GLCCI1: variants seen among roughly 807,000 people sequenced by gnomAD.
GLCCI1 encodes glucocorticoid-induced transcript 1 protein.
GLCCI1 carries 24 observed loss-of-function variants against 52.2 expected under a neutral mutation model. The observed-to-expected ratio is 0.46, with a 90% CI of 0.33 to 0.65. The LOEUF (loss-of-function observed/expected upper bound fraction) is 0.65, where lower values mean the gene tolerates loss of function less well. Ranked by LOEUF, GLCCI1 falls within the 30% of genes least tolerant of loss-of-function variation. The pLI is 0.02. For missense variants in GLCCI1, 704 were observed against 701.5 expected (o/e 1.00, Z -0.04); for synonymous variants, 310 against 276.5 (o/e 1.12, Z -1.20).
chr7:7,971,620 C>G (rs1780355061), intron 1 of GLCCI1, among the ~76,000 whole-genome samples: 1 of 152,122 alleles, frequency 6.6e-6, no homozygotes, highest in Non-Finnish European at 1.5e-5. Context: ...TATATAAACA[C>G]TAACATCTTA....
At position 7,976,507 on chromosome 7, in the gene GLCCI1, A is replaced by AAAAGG. The variant is rs1554257498; in HGVS notation, c.457+6707_457+6711dup. 5.5e-5 allele frequency among the ~76,000 whole-genome samples: 8 copies of AAAAGG among 146,180 alleles called. No individual in the cohort carries two copies. In the East Asian group the frequency reaches 1.6e-3, roughly 29 times the overall value. ...AAAAAAAAAAAAAAAAAGGAAAGGA[A>AAAAGG]AAAGGAAAGGAGAAAGGAAAAAGGA... On this transcript the variant is annotated intron_variant, in intron 1 of 7. Coordinates refer to ENST00000223145, the MANE Select transcript of GLCCI1 (RefSeq NM_138426.4).
At chr7:8,009,286 T>C (rs767942103) in intron 2 of GLCCI1, among the ~76,000 whole-genome samples, 15 of 152,330 alleles carry the variant, frequency 9.8e-5, no homozygotes, top group Admixed American at 3.9e-4. Context: ...AAAACAGTAA[T>C]GTTTCCTCAG....
chr7:8,078,837 GGTA>G (rs1482520762), intron 6 of GLCCI1: 1 of 152,170 alleles, frequency 6.6e-6, no homozygotes, highest in Admixed American at 6.5e-5. Context: ...TCATTAATAA[GGTA>G]GTAAATATTG....
Position 8,071,027 on chromosome 7 carries a change from G to A in GLCCI1, c.1073G>A (p.Ser358Asn). 6.2e-7 allele frequency: 1 copy of A among 1,614,042 alleles called. No homozygotes were observed. The highest frequency in any genetic ancestry group is 8.5e-7 in the Non-Finnish European group (1 of 1,179,882). The change falls in exon 6 of 8, where the codon AGT becomes AAT. Residue 358 changes from serine to asparagine, a missense_variant. Physicochemically the swap from Ser to Asn is conservative, Grantham distance 46. Coordinates refer to ENST00000223145, the MANE Select transcript of GLCCI1 (RefSeq NM_138426.4). Reference protein sequence around the residue: ...TQTPSVQERSSSCSSHSPCVS... With the variant: ...TQTPSVQERSNSCSSHSPCVS... ...ACTCCTTCTGTCCAGGAGCGCAGCA[G>A]TAGCTGCAGCAGTCATTCACCCTGT...
chr7:7,991,199 G>A (rs1489008783), intron 1 of GLCCI1, among the ~76,000 whole-genome samples: 4 of 151,984 alleles, frequency 2.6e-5, no homozygotes, highest in East Asian at 1.9e-4. Flanking sequence ...AGACAGTTAC[G>A]AGCTAATTTG....
intron 3 of GLCCI1, among the ~76,000 whole-genome samples, chr7:8,027,517 C>CA (rs1308631134): frequency 6.6e-6 from 1 of 151,038 alleles, no homozygotes; most frequent in Non-Finnish European, 1.5e-5. Context: ...CATACCACCA[C>CA]AAAAAAATCA....
chr7:8,047,163 C>T (rs899504993), intron 3 of GLCCI1, among the ~76,000 whole-genome samples: 1 of 152,100 alleles, frequency 6.6e-6, no homozygotes, highest in South Asian at 2.1e-4. Flanking sequence ...AGTTAATGCT[C>T]GTATACAATG....
At chr7:7,983,487 A>G (rs1167668266) in intron 1 of GLCCI1, among the ~76,000 whole-genome samples, 1 of 152,094 alleles carries the variant, frequency 6.6e-6, no homozygotes, top group African/African-American at 2.4e-5. Flanking sequence ...TGTTTTTATA[A>G]CTCTGTATTC....
intron 1 of GLCCI1, among the ~76,000 whole-genome samples, chr7:7,974,096 T>C (rs1780416147): frequency 6.6e-6 from 1 of 152,136 alleles, no homozygotes; most frequent in Non-Finnish European, 1.5e-5. Flanking sequence ...AGAGACAGGT[T>C]TCACATACTG....
intron 2 of GLCCI1, among the ~76,000 whole-genome samples, chr7:8,012,415 T>TG (rs1424561109): frequency 6.7e-6 from 1 of 148,188 alleles, no homozygotes; most frequent in Non-Finnish European, 1.5e-5. Flanking sequence ...TCCCATTCTG[T>TG]GGGTTGCCTT....
intron 1 of GLCCI1, among the ~76,000 whole-genome samples, chr7:7,977,668 G>T (rs1287789216): frequency 6.6e-6 from 1 of 152,272 alleles, no homozygotes; most frequent in Non-Finnish European, 1.5e-5. Context: ...TTTTGGTTGG[G>T]TAGGGAAAAG....
chr7:7,994,523 G>C (rs1780902480), intron 1 of GLCCI1, among the ~76,000 whole-genome samples: 1 of 152,152 alleles, frequency 6.6e-6, no homozygotes, highest in South Asian at 2.1e-4. Flanking sequence ...AAAGGCAAGA[G>C]AGCAAAAGAG....
intron 2 of GLCCI1, among the ~76,000 whole-genome samples, chr7:8,016,623 T>C (rs1360436529): frequency 2.6e-5 from 4 of 152,180 alleles, no homozygotes; most frequent in Non-Finnish European, 5.9e-5. Context: ...GGAGATACCA[T>C]ATTGTTAGGA....
At chr7:8,030,953 A>G (rs1244367407) in intron 3 of GLCCI1, among the ~76,000 whole-genome samples, 1 of 152,114 alleles carries the variant, frequency 6.6e-6, no homozygotes, top group Non-Finnish European at 1.5e-5. Context: ...GTAAATTAGT[A>G]CAACCACTAT....
At chr7:7,974,847 G>A (rs781663579) in intron 1 of GLCCI1, among the ~76,000 whole-genome samples, 5 of 152,084 alleles carry the variant, frequency 3.3e-5, no homozygotes, top group African/African-American at 4.8e-5. Context: ...GGCAGCCCCT[G>A]TCCTAGTCTG....
At chr7:8,078,560 A>G (rs1782923459) in intron 6 of GLCCI1, 1 of 152,272 alleles carries the variant, frequency 6.6e-6, no homozygotes, top group Admixed American at 6.5e-5. Context: ...AAAAGTGTGT[A>G]TAAATGTAGA....
chr7:7,969,774 G>A lies in GLCCI1; in HGVS notation c.424G>A (p.Glu142Lys), dbSNP rs1231372650. ...PESHRRSSSP[E>K]RRSPGSPVCR... Reference sequence around the variant, plus strand: ...GAGCCACCGGAGGAGCAGCTCACCTGAGAGACGGAGCCCCGGCTCGCCCGT... The same window carrying A: ...GAGCCACCGGAGGAGCAGCTCACCTAAGAGACGGAGCCCCGGCTCGCCCGT... The change falls in exon 1 of 8, where the codon GAG (glutamate) becomes AAG (lysine). Residue 142 changes from glutamate to lysine, a missense_variant. Physicochemically the swap from Glu to Lys is moderately conservative, Grantham distance 56 (BLOSUM62 1). Around this residue, in one of 3 missense-constraint regions of GLCCI1, gnomAD observed 547 missense variants for 524.8 expected, o/e 1.04. Transcript: ENST00000223145. This position sits in a 1 kb window ranked among gnomAD's most constrained non-coding sequence, Gnocchi z 4.9. 6.7e-7 allele frequency: 1 copy of A among 1,485,294 alleles called. No individual in the cohort carries two copies. The highest frequency in any genetic ancestry group is 8.9e-7 in the Non-Finnish European group (1 of 1,122,184). 92.0% of individuals were successfully genotyped at this position (1,485,294 alleles called of 1,614,324 possible). A position where few individuals can be genotyped will look rare whatever the true frequency, so the allele number is the denominator to read the frequency against.
chr7:8,023,588 C>CATTTTTT (rs1781543370), intron 3 of GLCCI1, among the ~76,000 whole-genome samples: 1 of 41,984 alleles, frequency 2.4e-5, no homozygotes, highest in African/African-American at 1.0e-4. Flanking sequence ...CTCTGTTATT[C>CATTTTTT]TTTTTTTTTT....
At chr7:8,076,707 A>T (rs183256732) in intron 6 of GLCCI1, among the ~76,000 whole-genome samples, 1 of 152,202 alleles carries the variant, frequency 6.6e-6, no homozygotes, top group African/African-American at 2.4e-5. Flanking sequence ...CTGCATATAT[A>T]TTTCACTTAA....
Sources: gnomAD v4.1 joint callset for allele counts (sites outside exome capture counted in the v4.1 genomes callset) on GRCh38, gnomAD v4.1.1 for gene constraint, gnomAD v4.1.1 regional missense constraint, Gnocchi (gnomAD v3.1) non-coding constraint, MANE v1.5 for transcripts, NCBI Gene and HGNC (gene_info 2026-07-23, HGNC 2026-07-21) for gene names.